ATP9B: variants seen among roughly 807,000 people sequenced by gnomAD.
ATP9B encodes probable phospholipid-transporting ATPase IIB.
A neutral mutation model predicts 146.1 loss-of-function variants in ATP9B; 110 were observed. That is an observed-to-expected ratio of 0.75 (90% CI 0.65 to 0.88). ATP9B has a LOEUF of 0.88. ATP9B is among the 40% of genes least tolerant of loss of function. The pLI, the probability that ATP9B is intolerant of heterozygous loss-of-function variation, is 0.00. For missense variants in ATP9B, 1,499 were observed against 1,496.4 expected (o/e 1.00, Z -0.03); for synonymous variants, 604 against 569.7 (o/e 1.06, Z -0.86).
chr18:79,105,911 T>C (rs1054153928), intron 2 of ATP9B, among the ~76,000 whole-genome samples: 2 of 152,214 alleles, frequency 1.3e-5, no homozygotes, highest in African/African-American at 4.8e-5. Flanking sequence ...CATAGGTATC[T>C]ATTGGATGTA....
At chr18:79,134,869 T>A (rs1426547207) in intron 5 of ATP9B, among the ~76,000 whole-genome samples, 1 of 152,236 alleles carries the variant, frequency 6.6e-6, no homozygotes, top group African/African-American at 2.4e-5. Context: ...TTTGTGATTT[T>A]TACTTTAATC....
intron 1 of ATP9B, among the ~76,000 whole-genome samples, chr18:79,080,631 G>T (rs1356662358): frequency 6.6e-6 from 1 of 152,072 alleles, no homozygotes; most frequent in Non-Finnish European, 1.5e-5. Flanking sequence ...TTGCCTGATT[G>T]CCCTGTCCAG....
intron 11 of ATP9B, among the ~76,000 whole-genome samples, chr18:79,235,344 G>T (rs1248199320): frequency 6.6e-6 from 1 of 152,150 alleles, no homozygotes; most frequent in Non-Finnish European, 1.5e-5. Context: ...AAGCCATAGA[G>T]CAATATAAAC....
chr18:79,212,370 T>G (rs1317626778), intron 10 of ATP9B, among the ~76,000 whole-genome samples: 1 of 152,194 alleles, frequency 6.6e-6, no homozygotes, highest in Non-Finnish European at 1.5e-5. Flanking sequence ...ATGTATCACA[T>G]TGAATTGAGG....
At chr18:79,322,779 A>G (rs1301722088) in intron 15 of ATP9B, among the ~76,000 whole-genome samples, 1 of 152,192 alleles carries the variant, frequency 6.6e-6, no homozygotes, top group Non-Finnish European at 1.5e-5. Flanking sequence ...CATGTTTGAG[A>G]GTGGGAAGCT....
intron 29 of ATP9B, chr18:79,376,214 C>CACACACACACACACACACACA: frequency 1.9e-6 from 1 of 528,146 alleles, no homozygotes; most frequent in Admixed American, 8.2e-5. Context: ...CACACACACA[C>CACACACACACACACACACACA]AAAACAAAAC....
chr18:79,367,599 T>C (rs1157125092), intron 26 of ATP9B, among the ~76,000 whole-genome samples: 1 of 152,260 alleles, frequency 6.6e-6, no homozygotes, highest in Admixed American at 6.5e-5. Context: ...ATTCCAGTTA[T>C]AAATGGTGAA....
intron 1 of ATP9B, among the ~76,000 whole-genome samples, chr18:79,073,670 C>T (rs116169008): frequency 0.036 from 5,501 of 152,112 alleles, 333 homozygotes; most frequent in African/African-American, 0.12. Context: ...GAGACGGAGA[C>T]GACGGAGAGG....
chr18:79,107,567 C>T (rs2075738007), intron 2 of ATP9B, among the ~76,000 whole-genome samples: 2 of 152,040 alleles, frequency 1.3e-5, no homozygotes, highest in African/African-American at 4.8e-5. Flanking sequence ...AGACTCCACT[C>T]TTGTCAGTGC....
intron 20 of ATP9B, among the ~76,000 whole-genome samples, chr18:79,343,091 G>A (rs556481282): frequency 2.5e-4 from 38 of 152,268 alleles, no homozygotes; most frequent in South Asian, 1.2e-3. Flanking sequence ...TAAATGAATC[G>A]CTTGCACCTA....
rs772676469 is a variant in ATP9B at position 79,239,101 on chromosome 18, G to A, written c.1108-14280G>A. ...CCCAACCCCCAGTCATCAAAACAAC[G>A]GGGTCAACTGGGAAGGAAGGATGGC... On this transcript the variant is annotated intron_variant, in intron 11 of 29. Transcript: ENST00000426216. The surrounding 1 kb of genome is among the most constrained non-coding windows in gnomAD (Gnocchi z 5.1). 7.9e-5 allele frequency among the ~76,000 whole-genome samples: 12 copies of A among 152,224 alleles called. No homozygotes were observed. Among genetic ancestry groups the A allele is most frequent in the African/African-American group, 1.2e-4 (5 of 41,556 alleles).
At chr18:79,322,747 A>C (rs1417153982) in intron 15 of ATP9B, among the ~76,000 whole-genome samples, 1 of 152,232 alleles carries the variant, frequency 6.6e-6, no homozygotes, top group Non-Finnish European at 1.5e-5. Context: ...ATTTATTTTC[A>C]GCAAAAGGAA....
intron 5 of ATP9B, among the ~76,000 whole-genome samples, chr18:79,138,821 C>T (rs1456555268): frequency 7.4e-6 from 1 of 135,822 alleles, no homozygotes. Flanking sequence ...TGGCTCCTGC[C>T]GTATTCATAG....
chr18:79,310,246 G>A (rs1031078428), intron 15 of ATP9B, among the ~76,000 whole-genome samples: 5 of 152,238 alleles, frequency 3.3e-5, no homozygotes, highest in African/African-American at 4.8e-5. Context: ...GCGTGTGTGC[G>A]CCTCATCATG....
chr18:79,106,592 G>A (rs896401276), intron 2 of ATP9B, among the ~76,000 whole-genome samples: 1 of 152,142 alleles, frequency 6.6e-6, no homozygotes, highest in Non-Finnish European at 1.5e-5. Flanking sequence ...TGATATGATA[G>A]TGGCGTCTTA....
intron 11 of ATP9B, among the ~76,000 whole-genome samples, chr18:79,231,784 A>G (rs1230802952): frequency 6.0e-4 from 52 of 86,674 alleles, no homozygotes; most frequent in African/African-American, 1.6e-3. Flanking sequence ...GTGTGTATAT[A>G]TATATATATA....
At chr18:79,277,773 T>C (rs1325144053) in intron 13 of ATP9B, among the ~76,000 whole-genome samples, 1 of 152,206 alleles carries the variant, frequency 6.6e-6, no homozygotes, top group African/African-American at 2.4e-5. Flanking sequence ...TCTGGTACTA[T>C]AAGGAAAGCC....
At chr18:79,148,359 A>G (rs988074810) in intron 6 of ATP9B, among the ~76,000 whole-genome samples, 3 of 152,248 alleles carry the variant, frequency 2.0e-5, no homozygotes, top group African/African-American at 7.2e-5. Context: ...AGAAAACTGC[A>G]GCCCAGTTGG....
chr18:79,113,391 A>G, intron 4 of ATP9B, 37 bp downstream of exon 4: 2 of 1,204,628 alleles, frequency 1.7e-6, no homozygotes, highest in Non-Finnish European at 2.4e-6. Context: ...TAAATTATGA[A>G]ATATTTAGAA....
Sources: allele counts gnomAD v4.1 joint callset (sites outside exome capture counted in the v4.1 genomes callset), GRCh38; gene constraint gnomAD v4.1.1; non-coding constraint Gnocchi (gnomAD v3.1); transcripts MANE v1.5; gene names NCBI Gene and HGNC (gene_info 2026-07-23, HGNC 2026-07-21).